Variants in MAP4K3 observed in about 807,000 individuals in gnomAD.
MAP4K3 encodes MAPK/ERK kinase kinase kinase 3.
A neutral mutation model predicts 143.5 loss-of-function variants in MAP4K3; 94 were observed. The observed-to-expected ratio is 0.65, with a 90% CI of 0.55 to 0.78. The LOEUF is 0.78. Ranked by LOEUF, MAP4K3 falls within the 30% of genes least tolerant of loss-of-function variation. The pLI, the probability that MAP4K3 is intolerant of heterozygous loss-of-function variation, is 0.00. For missense variants in MAP4K3, 1,077 were observed against 1,068.1 expected (o/e 1.01, Z -0.12); for synonymous variants, 416 against 347.2 (o/e 1.20, Z -2.20).
At chr2:39,378,309 A>G (rs955666534) in intron 1 of MAP4K3, among the ~76,000 whole-genome samples, 186 bp from the exon 2 acceptor site, 3 of 152,212 alleles carry the variant, frequency 2.0e-5, no homozygotes, top group African/African-American at 7.2e-5. Context: ...TATAAATTTA[A>G]TATTGGCAAA....
chr2:39,291,707 G>A (rs183542413), intron 18 of MAP4K3, among the ~76,000 whole-genome samples: 289 of 152,140 alleles, frequency 1.9e-3, no homozygotes, highest in African/African-American at 6.6e-3. Context: ...ACAACATGGT[G>A]GAAACCCATC....
intron 3 of MAP4K3, among the ~76,000 whole-genome samples, chr2:39,344,884 C>T (rs1322967918): frequency 6.6e-6 from 1 of 152,114 alleles, no homozygotes; most frequent in South Asian, 2.1e-4. Context: ...AGAAAGACTG[C>T]CTGAAGAGAC....
rs1680519907 is a variant in MAP4K3, at chr2:39,260,410, C to T, written c.2308+196G>A. On this transcript the variant is annotated intron_variant, in intron 29 of 33. Coordinates refer to ENST00000263881, the MANE Select transcript of MAP4K3 (RefSeq NM_003618.4). Reference sequence around the variant, plus strand: ...GGATTACTGGCGTGACCCACCATGCCCTGCCAGCCAATGTTTTAAATGTGT... The same window carrying T: ...GGATTACTGGCGTGACCCACCATGCTCTGCCAGCCAATGTTTTAAATGTGT... 2.0e-5 allele frequency among the ~76,000 whole-genome samples: 3 copies of T among 152,122 alleles called. No homozygotes were observed. The South Asian group carries it at 6.2e-4, about 32-fold the overall frequency.
At chr2:39,315,222 C>T in intron 13 of MAP4K3, 88 bp downstream of exon 13, 1 of 848,912 alleles carries the variant, frequency 1.2e-6, no homozygotes, top group Non-Finnish European at 1.8e-6. Flanking sequence ...AAAAACTATT[C>T]AGAAGGAAAT....
At chr2:39,372,931 G>C (rs376998262) in intron 2 of MAP4K3, among the ~76,000 whole-genome samples, 1 of 152,050 alleles carries the variant, frequency 6.6e-6, no homozygotes, top group African/African-American at 2.4e-5. Context: ...AGCAAAAATG[G>C]ACAAATGGGA....
chr2:39,419,243 TA>T (rs1006845455), intron 1 of MAP4K3, among the ~76,000 whole-genome samples: 6 of 151,286 alleles, frequency 4.0e-5, no homozygotes, highest in South Asian at 2.1e-4. Flanking sequence ...ACAATAGTGT[TA>T]AAAAAAAACT....
At position 39,325,610 on chromosome 2, in the gene MAP4K3, G is replaced by C. The variant is rs1338657623; in HGVS notation, c.826C>G (p.His276Asp). The C allele has an allele frequency of 1.2e-6, 2 of 1,612,754 alleles. No individual in the cohort carries two copies. Among genetic ancestry groups the C allele is most frequent in the East Asian group, 2.2e-5 (1 of 44,774 alleles). The change falls in exon 12 of 34, where the codon CAT becomes GAT. Residue 276 changes from histidine to aspartate, a missense_variant. This residue lies in a region of MAP4K3 where 864 missense variants were observed against 801.2 expected (regional missense o/e 1.08). Coordinates refer to ENST00000263881, the MANE Select transcript of MAP4K3 (RefSeq NM_003618.4). ...TCGATTGCCAAAGACCGTGTCAAAT[G>C]TTGTGTTACAAAAGGATGCTATAAA... Reference protein sequence around the residue: ...KLLQHPFVTQHLTRSLAIELL... With the variant: ...KLLQHPFVTQDLTRSLAIELL...
intron 1 of MAP4K3, among the ~76,000 whole-genome samples, chr2:39,435,876 A>AT (rs1665451359): frequency 6.6e-6 from 1 of 152,258 alleles, no homozygotes; most frequent in Admixed American, 6.5e-5. Flanking sequence ...TGTATTAAAT[A>AT]TGTAAGTTAC....
At chr2:39,319,032 G>A (rs923611161) in intron 12 of MAP4K3, among the ~76,000 whole-genome samples, 2 of 152,060 alleles carry the variant, frequency 1.3e-5, no homozygotes, top group Non-Finnish European at 2.9e-5. Flanking sequence ...GGCAACTAAT[G>A]GGAAGAGTCC....
At chr2:39,288,085 C>T in intron 20 of MAP4K3, 36 bp downstream of exon 20, 7 of 1,609,492 alleles carry the variant, frequency 4.3e-6, no homozygotes, top group Non-Finnish European at 5.9e-6. Flanking sequence ...AGTATGAAAA[C>T]CTGGTAACAT....
intron 1 of MAP4K3, among the ~76,000 whole-genome samples, chr2:39,385,549 T>TTC (rs1489568032): frequency 2.1e-5 from 2 of 95,448 alleles, no homozygotes; most frequent in African/African-American, 7.6e-5. Context: ...ATGAGCGTTC[T>TTC]TCATATATAT....
Position 39,325,748 on chromosome 2 carries a change from A to AGTAGG in MAP4K3, c.784_788dup (p.Ala264LeufsTer12). On this transcript the variant is annotated frameshift_variant, in exon 11 of 34. Transcript: ENST00000263881. LOFTEE classifies it high-confidence loss of function. Reference sequence around the variant, plus strand: ...ATAATACCTGTAATAATTTTTCAGCAGTAGGTCTTTTTTTCGGATTTTTGG... The same window carrying AGTAGG: ...ATAATACCTGTAATAATTTTTCAGCAGTAGGGTAGGTCTTTTTTTCGGATTTTTGG... The AGTAGG allele has an allele frequency of 1.9e-6, 3 of 1,609,288 alleles. No individual in the cohort carries two copies. Among genetic ancestry groups the AGTAGG allele is most frequent in the Non-Finnish European group, 2.5e-6 (3 of 1,177,628 alleles).
At chr2:39,271,393 T>A (rs534104683) in intron 26 of MAP4K3, among the ~76,000 whole-genome samples, 1 of 152,230 alleles carries the variant, frequency 6.6e-6, no homozygotes, top group Non-Finnish European at 1.5e-5. Flanking sequence ...TAAGGTTTTA[T>A]GTTAGTTGCT....
At chr2:39,320,414 G>A (rs1332675949) in intron 12 of MAP4K3, among the ~76,000 whole-genome samples, 1 of 152,040 alleles carries the variant, frequency 6.6e-6, no homozygotes, top group East Asian at 1.9e-4. Flanking sequence ...TGAGCAGTAG[G>A]ATATAAATAA....
Position 39,265,310 on chromosome 2 carries a change from T to A in MAP4K3, c.2033-4A>T. 1 of 1,553,092 alleles carries A rather than the reference T, an allele frequency of 6.4e-7. No individual in the cohort carries two copies. The highest frequency in any genetic ancestry group is 8.9e-7 in the Non-Finnish European group (1 of 1,125,536). The stretch of plus-strand genomic sequence containing the variant: ...TGGCCCGTGTAAGGATTTCTTACTG[T>A]CAAAGCAAAAATATAAATGAGTTCT... On this transcript the variant is annotated splice_region_variant and splice_polypyrimidine_tract_variant and intron_variant, in intron 27 of 33. Coordinates refer to ENST00000263881, the MANE Select transcript of MAP4K3 (RefSeq NM_003618.4).
At chr2:39,261,536 T>C (rs2148441235) in intron 28 of MAP4K3, among the ~76,000 whole-genome samples, 1 of 152,326 alleles carries the variant, frequency 6.6e-6, no homozygotes, top group Admixed American at 6.5e-5. Flanking sequence ...ACACTGGTGG[T>C]GGGACATAGA....
At position 39,295,289 on chromosome 2, in the gene MAP4K3, A is replaced by AT. The variant is rs200639974; in HGVS notation, c.1179-2022dup. On this transcript the variant is annotated intron_variant, in intron 16 of 33. Coordinates refer to ENST00000263881, the MANE Select transcript of MAP4K3 (RefSeq NM_003618.4). ...TTTGAGTTGGTCCTTAAGAATGGAG[A>AT]TTTTTTTTTAAACACACACACAAAA... 2.3e-3 allele frequency among the ~76,000 whole-genome samples: 352 copies of AT among 151,378 alleles called. 2 individuals carry two copies. Among genetic ancestry groups the AT allele is most frequent in the African/African-American group, 7.5e-3 (312 of 41,338 alleles).
chr2:39,414,066 G>C (rs1281924728), intron 1 of MAP4K3, among the ~76,000 whole-genome samples: 1 of 152,138 alleles, frequency 6.6e-6, no homozygotes, highest in Non-Finnish European at 1.5e-5. Flanking sequence ...CAGCTTTAAA[G>C]CACTCTCATA....
rs371279877 is a variant in MAP4K3, at chr2:39,325,881, T to C, written c.725+18A>G. On this transcript the variant is annotated intron_variant, in intron 10 of 33. Transcript: ENST00000263881. ...TTGCTCATCTCACCATAAAAGTAAA[T>C]AACATAAAAATACTTACCATTTCAT... 24 of 1,566,094 alleles carry C rather than the reference T, an allele frequency of 1.5e-5. No individual in the cohort carries two copies. The highest frequency in any genetic ancestry group is 2.3e-5 in the South Asian group (2 of 86,440).
Sources: allele counts gnomAD v4.1 joint callset (sites outside exome capture counted in the v4.1 genomes callset), GRCh38; gene constraint gnomAD v4.1.1; regional missense constraint gnomAD v4.1.1; transcripts MANE v1.5; gene names NCBI Gene and HGNC (gene_info 2026-07-23, HGNC 2026-07-21).